The following CLIC6 variants were observed in gnomAD, a reference collection of about 807,000 sequenced individuals.
The protein encoded by CLIC6 is chloride intracellular channel protein 6.
Under a neutral mutation model 49.2 loss-of-function variants are expected in CLIC6, and 39 were observed. The ratio of observed to expected loss-of-function variants is 0.79; its 90% confidence interval spans 0.61 to 1.04. The LOEUF (loss-of-function observed/expected upper bound fraction) is 1.04, where lower values mean the gene tolerates loss of function less well. CLIC6 is among the 50% of genes least tolerant of loss of function. The pLI is 0.00. For synonymous variants in CLIC6, 446 were observed against 433.4 expected, an observed-to-expected ratio of 1.03 and a Z score of -0.36; for missense variants, 988 against 993.1, an observed-to-expected ratio of 0.99 and a Z score of 0.07.
chr21:34,697,381 G>GAGGTCTGTCAGT (rs1990106817), intron 1 of CLIC6, among the ~76,000 whole-genome samples: 1 of 152,116 alleles, frequency 6.6e-6, no homozygotes, highest in Admixed American at 6.5e-5. Context: ...CCTGAACACT[G>GAGGTCTGTCAGT]ACAGACCTCA....
intron 1 of CLIC6, among the ~76,000 whole-genome samples, chr21:34,701,251 G>T (rs1293016535): frequency 7.3e-6 from 1 of 136,532 alleles, no homozygotes; most frequent in African/African-American, 2.9e-5. Flanking sequence ...GCAGTGAGCC[G>T]AGATTGCGCC....
intron 1 of CLIC6, among the ~76,000 whole-genome samples, chr21:34,693,113 C>G (rs1022651102): frequency 3.3e-5 from 5 of 152,218 alleles, no homozygotes; most frequent in African/African-American, 1.2e-4. Context: ...TAAAAGCACA[C>G]TGTTCAGGTC....
intron 1 of CLIC6, among the ~76,000 whole-genome samples, chr21:34,691,374 T>C (rs2145807624): frequency 6.6e-6 from 1 of 152,334 alleles, no homozygotes; most frequent in African/African-American, 2.4e-5. Flanking sequence ...TTCCCTTCTC[T>C]TGAAGCTTAA....
intron 1 of CLIC6, among the ~76,000 whole-genome samples, chr21:34,705,442 C>T (rs918954596): frequency 3.9e-5 from 6 of 152,068 alleles, no homozygotes; most frequent in Admixed American, 6.6e-5. Context: ...TTTTCAGGGC[C>T]CATCTGCCGG....
At chr21:34,690,182 T>A (rs1403655769) in intron 1 of CLIC6, among the ~76,000 whole-genome samples, 1 of 152,120 alleles carries the variant, frequency 6.6e-6, no homozygotes, top group African/African-American at 2.4e-5. Context: ...CTGGTCCGGC[T>A]CACAGCTCAG....
chr21:34,678,359 G>A (rs796411321), intron 1 of CLIC6, among the ~76,000 whole-genome samples: 3 of 151,728 alleles, frequency 2.0e-5, no homozygotes, highest in Non-Finnish European at 4.4e-5. Context: ...GGAGAATGGC[G>A]TGAACCCAGG....
chr21:34,700,383 C>G (rs1414839990), intron 1 of CLIC6, among the ~76,000 whole-genome samples: 4 of 131,748 alleles, frequency 3.0e-5, no homozygotes, highest in Non-Finnish European at 6.4e-5. Flanking sequence ...GGAGGCGGAG[C>G]TTGCAGTGAG....
intron 1 of CLIC6, among the ~76,000 whole-genome samples, chr21:34,704,911 C>T (rs181054820): frequency 9.2e-5 from 14 of 152,228 alleles, no homozygotes; most frequent in Admixed American, 3.9e-4. Context: ...GAGGCCACTG[C>T]AAGAAGGGTC....
chr21:34,693,351 T>C (rs2145808714), intron 1 of CLIC6, among the ~76,000 whole-genome samples: 1 of 152,272 alleles, frequency 6.6e-6, no homozygotes, highest in East Asian at 1.9e-4. Flanking sequence ...CTTGTAGCAT[T>C]TTCCCACAAA....
At chr21:34,681,206 T>C (rs116333930) in intron 1 of CLIC6, among the ~76,000 whole-genome samples, 2,891 of 152,232 alleles carry the variant, frequency 0.019, 97 homozygotes, top group African/African-American at 0.066. Context: ...CACATGATGG[T>C]GGGAAGGAGA....
chr21:34,705,948 C>A, intron 1 of CLIC6: 1 of 579,044 alleles, frequency 1.7e-6, no homozygotes, highest in Non-Finnish European at 3.1e-6. Context: ...TTCCTAGGCC[C>A]CATGCAGCAG....
intron 1 of CLIC6, among the ~76,000 whole-genome samples, chr21:34,672,891 C>T (rs1471151204): frequency 6.6e-6 from 1 of 152,180 alleles, no homozygotes; most frequent in African/African-American, 2.4e-5. Flanking sequence ...ACACAAAGCA[C>T]TTAGAAAAGT....
chr21:34,711,269 T>A (rs1488971619), intron 5 of CLIC6, among the ~76,000 whole-genome samples: 2 of 152,094 alleles, frequency 1.3e-5, no homozygotes, highest in Non-Finnish European at 2.9e-5. Flanking sequence ...CAGTGGCTCA[T>A]GCCTGTAATC....
At chr21:34,682,968 C>T (rs905936097) in intron 1 of CLIC6, among the ~76,000 whole-genome samples, 7 of 151,894 alleles carry the variant, frequency 4.6e-5, no homozygotes, top group South Asian at 2.1e-4. Context: ...CCCGCCAACA[C>T]GCCCAGCTAA....
In CLIC6 at chr21:34,669,257, T is replaced by C. The variant is rs113790957; in HGVS notation, c.-132T>C. 8.8e-5 allele frequency: 66 copies of C among 750,440 alleles called. 1 individual carries two copies. Among genetic ancestry groups the C allele is most frequent in the African/African-American group, 5.8e-4 (32 of 55,280 alleles). The allele number at this position is 750,440 out of a possible 1,614,324, so 46.5% of individuals were successfully genotyped here. A position where few individuals can be genotyped will look rare whatever the true frequency, so the allele number is the denominator to read the frequency against. The stretch of plus-strand genomic sequence containing the variant: ...AGGCCCCAGTGCCCCGGCTAAACCT[T>C]TGCCGCAGGATCCCGGAGCCGGCGT... On this transcript the variant is annotated 5_prime_UTR_variant, in exon 1 of 6. Transcript: ENST00000349499.
chr21:34,676,095 T>C (rs914353891), intron 1 of CLIC6, among the ~76,000 whole-genome samples: 19 of 152,324 alleles, frequency 1.2e-4, no homozygotes, highest in African/African-American at 4.6e-4. Context: ...TTTGTGTCCT[T>C]GGTTTCACAC....
intron 1 of CLIC6, among the ~76,000 whole-genome samples, chr21:34,687,769 A>T (rs904821189): frequency 2.6e-5 from 4 of 152,102 alleles, no homozygotes; most frequent in South Asian, 4.1e-4. Flanking sequence ...AGTTTTTTTT[A>T]AATGTTTACA....
intron 5 of CLIC6, among the ~76,000 whole-genome samples, chr21:34,713,722 T>C (rs942160916): frequency 5.3e-5 from 8 of 152,010 alleles, no homozygotes; most frequent in African/African-American, 1.9e-4. Flanking sequence ...GGAAATTACT[T>C]TGAACTAAAG....
At chr21:34,680,398 T>G (rs955929120) in intron 1 of CLIC6, among the ~76,000 whole-genome samples, 3 of 152,208 alleles carry the variant, frequency 2.0e-5, no homozygotes, top group African/African-American at 7.2e-5. Context: ...AGGCCTGTGA[T>G]GGGAGGGGTT....
Sources: gnomAD v4.1 joint callset for allele counts (sites outside exome capture counted in the v4.1 genomes callset) on GRCh38, gnomAD v4.1.1 for gene constraint, MANE v1.5 for transcripts, NCBI Gene and HGNC (gene_info 2026-07-23, HGNC 2026-07-21) for gene names.